DENND1A: variants seen among roughly 807,000 people sequenced by gnomAD.
DENND1A encodes the protein DENN domain containing 1A.
Under a neutral mutation model 113.7 loss-of-function variants are expected in DENND1A, and 51 were observed. The ratio of observed to expected loss-of-function variants is 0.45; its 90% CI spans 0.36 to 0.57. The LOEUF is 0.57. Ranked by LOEUF, DENND1A falls within the 20% of genes least tolerant of loss-of-function variation. The probability of loss-of-function intolerance (pLI) is 0.00; values close to 1 mark genes in which losing one functional copy is unlikely to be tolerated. For synonymous variants in DENND1A, 565 were observed against 570.8 expected, an observed-to-expected ratio of 0.99 and a Z score of 0.14; for missense variants, 1,258 against 1,395.9, an observed-to-expected ratio of 0.90 and a Z score of 1.57.
At chr9:123,562,441 G>C (rs1002941442) in intron 12 of DENND1A, among the ~76,000 whole-genome samples, 3 of 152,126 alleles carry the variant, frequency 2.0e-5, no homozygotes, top group Admixed American at 2.0e-4. Context: ...TGCCAAAAAG[G>C]ACATGGCGGT....
chr9:123,415,738 C>G (rs2044671962), intron 19 of DENND1A, among the ~76,000 whole-genome samples: 1 of 152,186 alleles, frequency 6.6e-6, no homozygotes, highest in Non-Finnish European at 1.5e-5. Context: ...GTCACGAGGG[C>G]CCTGCTGCAG....
At chr9:123,386,760 G>T (rs1202334664) in intron 22 of DENND1A, among the ~76,000 whole-genome samples, 1 of 152,206 alleles carries the variant, frequency 6.6e-6, no homozygotes. Flanking sequence ...TGGCAGGAAA[G>T]GATCAGGACC....
chr9:123,737,798 TAAAAC>T (rs1315707024), intron 5 of DENND1A, among the ~76,000 whole-genome samples: 1 of 152,188 alleles, frequency 6.6e-6, no homozygotes, highest in South Asian at 2.1e-4. Context: ...ACAATACTGT[TAAAAC>T]AAAGACACCT....
intron 5 of DENND1A, among the ~76,000 whole-genome samples, chr9:123,740,927 A>AGAGAGAGAGAGAGAGAGAGAGG (rs1205845271): frequency 1.4e-5 from 2 of 147,988 alleles, no homozygotes; most frequent in African/African-American, 2.6e-5. Flanking sequence ...AGAGAGAGAG[A>AGAGAGAGAGAGAGAGAGAGAGG]GAGAGAGAGA....
intron 13 of DENND1A, among the ~76,000 whole-genome samples, chr9:123,506,271 C>T (rs1310366955): frequency 6.6e-6 from 1 of 151,938 alleles, no homozygotes; most frequent in African/African-American, 2.4e-5. Context: ...TAATTAGTGC[C>T]CCGCACGGAG....
At chr9:123,561,152 C>G (rs925941810) in intron 12 of DENND1A, among the ~76,000 whole-genome samples, 2 of 152,196 alleles carry the variant, frequency 1.3e-5, no homozygotes, top group Non-Finnish European at 2.9e-5. Flanking sequence ...CCACCTGTGC[C>G]GCAGATTATT....
At chr9:123,744,770 CTTTTTTTTTTTT>C (rs57945475) in intron 5 of DENND1A, among the ~76,000 whole-genome samples, 15 of 102,716 alleles carry the variant, frequency 1.5e-4, no homozygotes, top group Admixed American at 5.2e-4. Flanking sequence ...TATATTAGCT[CTTTTTTTTTTTT>C]TTTTTTTTTT....
intron 13 of DENND1A, among the ~76,000 whole-genome samples, chr9:123,466,881 TAA>T (rs55719445): frequency 0.42 from 62,355 of 146,850 alleles, 14,827 homozygotes; most frequent in African/African-American, 0.67. Flanking sequence ...CCCCATCTCT[TAA>T]AAAAAAAAAA....
Position 123,845,929 on chromosome 9 carries a change from G to C in DENND1A, c.88+33022C>G, listed in dbSNP as rs112932789. On this transcript the variant is annotated intron_variant, in intron 2 of 23. Coordinates refer to ENST00000394215, the MANE Select transcript of DENND1A (RefSeq NM_001352964.2). ...GGTGACACAATCAAGAAAGAGAAAAGTTAACCTACAAAGTGGGAGAAAGTA... is the reference window on the plus strand; with the variant it reads ...GGTGACACAATCAAGAAAGAGAAAACTTAACCTACAAAGTGGGAGAAAGTA... 9.7e-3 allele frequency among the ~76,000 whole-genome samples: 1,473 copies of C among 152,090 alleles called. 26 individuals carry two copies. Among genetic ancestry groups the C allele is most frequent in the African/African-American group, 0.032 (1,336 of 41,484 alleles).
chr9:123,517,437 T>C (rs1040619801), intron 13 of DENND1A, among the ~76,000 whole-genome samples: 2 of 151,906 alleles, frequency 1.3e-5, no homozygotes, highest in Admixed American at 6.6e-5. Flanking sequence ...CTGGCTAACA[T>C]GGTGAAATCC....
chr9:123,440,487 A>G lies in DENND1A; in HGVS notation c.1361T>C (p.Ile454Thr). 1 of 1,572,744 alleles carries G rather than the reference A, an allele frequency of 6.4e-7. No homozygotes were observed. Among genetic ancestry groups the G allele is most frequent in the South Asian group, 1.2e-5 (1 of 85,288 alleles). Reference protein sequence around the residue: ...EVKNRLKQKDIAENGCAPTPE... With the variant: ...EVKNRLKQKDTAENGCAPTPE... ...GGTGGGGGCGCAGCCATTCTCGGCA[A>G]TGTCCTGTAGGGAGAAGGATAGTCA... is the stretch of plus-strand genomic sequence containing the variant. The change falls in exon 19 of 24, where the codon ATT becomes ACT. Residue 454 changes from isoleucine to threonine, a missense_variant. This residue lies in a region of DENND1A where 1,159 missense variants were observed against 1,231.7 expected (regional missense o/e 0.94). Coordinates refer to ENST00000394215, the MANE Select transcript of DENND1A (RefSeq NM_001352964.2).
At chr9:123,518,125 C>CT (rs1448632546) in intron 13 of DENND1A, among the ~76,000 whole-genome samples, 1 of 152,162 alleles carries the variant, frequency 6.6e-6, no homozygotes, top group East Asian at 1.9e-4. Flanking sequence ...ATTAGGGATT[C>CT]ACCTACACGG....
chr9:123,682,951 A>G (rs1397367459), intron 5 of DENND1A, among the ~76,000 whole-genome samples: 2 of 152,208 alleles, frequency 1.3e-5, no homozygotes, highest in African/African-American at 4.8e-5. Context: ...CTCTTATAAG[A>G]GGAAAATACT....
At chr9:123,886,774 T>C (rs1031467689) in intron 1 of DENND1A, among the ~76,000 whole-genome samples, 3 of 152,166 alleles carry the variant, frequency 2.0e-5, no homozygotes, top group African/African-American at 7.2e-5. Context: ...AACACCTCCA[T>C]AGGAGAATGC....
intron 5 of DENND1A, among the ~76,000 whole-genome samples, chr9:123,717,755 G>GT (rs1450249395): frequency 1.3e-5 from 2 of 152,186 alleles, no homozygotes; most frequent in Admixed American, 1.3e-4. Flanking sequence ...AGGTTGCCCT[G>GT]TGTCCACTGC....
chr9:123,509,783 A>G (rs1354223729), intron 13 of DENND1A, among the ~76,000 whole-genome samples: 1 of 151,714 alleles, frequency 6.6e-6, no homozygotes, highest in South Asian at 2.1e-4. Flanking sequence ...CAAACTCCAC[A>G]CTCCAATCCT....
chr9:123,823,138 C>T (rs577847554), intron 2 of DENND1A, among the ~76,000 whole-genome samples: 5 of 152,102 alleles, frequency 3.3e-5, no homozygotes, highest in African/African-American at 1.2e-4. Context: ...CAGTCTATAC[C>T]GTCAAAAAAC....
At chr9:123,438,431 T>A (rs1340328373) in intron 19 of DENND1A, among the ~76,000 whole-genome samples, 1 of 151,932 alleles carries the variant, frequency 6.6e-6, no homozygotes, top group East Asian at 1.9e-4. Context: ...CCAGAGAAAA[T>A]AAATAGAGTG....
chr9:123,513,883 C>T (rs1351449756), intron 13 of DENND1A, among the ~76,000 whole-genome samples: 1 of 152,192 alleles, frequency 6.6e-6, no homozygotes, highest in Non-Finnish European at 1.5e-5. Flanking sequence ...TAAATGAGAA[C>T]TTAAAAGCTT....
Sources: allele counts gnomAD v4.1 joint callset (sites outside exome capture counted in the v4.1 genomes callset), GRCh38; gene constraint gnomAD v4.1.1; regional missense constraint gnomAD v4.1.1; transcripts MANE v1.5; gene names NCBI Gene and HGNC (gene_info 2026-07-23, HGNC 2026-07-21).